THTPA: variants seen among roughly 807,000 people sequenced by gnomAD.
The protein encoded by THTPA is thiamine-triphosphatase.
Under a neutral mutation model 16.5 loss-of-function variants are expected in THTPA, and 16 were observed. That is an observed-to-expected ratio of 0.97 (90% confidence interval 0.66 to 1.47). The LOEUF (loss-of-function observed/expected upper bound fraction) is 1.47, where lower values mean the gene tolerates loss of function less well. Ranked by LOEUF, THTPA falls within the 40% of genes most tolerant of loss-of-function variation. The probability of loss-of-function intolerance (pLI) is 0.00; values close to 1 mark genes in which losing one functional copy is unlikely to be tolerated. For synonymous variants in THTPA, 110 were observed against 115.5 expected, an observed-to-expected ratio of 0.95 and a Z score of 0.30; for missense variants, 281 against 280.9, an observed-to-expected ratio of 1.00 and a Z score of 0.00.
At chr14:23,526,318 A>T in the THTPA span, 1 of 1,536,308 alleles carries the variant, frequency 6.5e-7, no homozygotes, top group Non-Finnish European at 8.7e-7. Context: ...AATTATAATG[A>T]ACCAACAGAA....
chr14:23,529,449 C>A, the THTPA span: 1 of 484,788 alleles, frequency 2.1e-6, no homozygotes, highest in Admixed American at 3.4e-5. Context: ...CTACTCTCAG[C>A]ACAATTCCTT....
the THTPA span, chr14:23,520,959 T>G: frequency 6.6e-6 from 1 of 151,982 alleles, no homozygotes; most frequent in Admixed American, 6.5e-5. The surrounding 1 kb of genome is among the most constrained non-coding windows in gnomAD (Gnocchi z 8.7). Context: ...TGTGCGCGTG[T>G]GCACGTACTC....
At chr14:23,535,160 G>T in the THTPA span, 6 of 1,535,670 alleles carry the variant, frequency 3.9e-6, no homozygotes, top group Non-Finnish European at 5.2e-6. The surrounding 1 kb of genome is among the most constrained non-coding windows in gnomAD (Gnocchi z 4.5). Context: ...TGTCCCCCTG[G>T]CTCTGAGGAC....
the THTPA span, chr14:23,527,737 G>C: frequency 6.5e-7 from 1 of 1,536,136 alleles, no homozygotes; most frequent in South Asian, 1.2e-5. Context: ...TGCATGCTGG[G>C]AGAGTGTATG....
At chr14:23,548,169 G>T in the THTPA span, among the ~76,000 whole-genome samples, 1 of 152,054 alleles carries the variant, frequency 6.6e-6, no homozygotes, top group Admixed American at 6.6e-5. Context: ...TTCACATTCT[G>T]TAACTGCCAT....
chr14:23,539,602 G>A, the THTPA span, among the ~76,000 whole-genome samples: 1 of 152,186 alleles, frequency 6.6e-6, no homozygotes. Flanking sequence ...TGAAGTCTGA[G>A]AAAGGAGAGA....
the THTPA span, among the ~76,000 whole-genome samples, chr14:23,549,975 CAG>C: frequency 6.6e-6 from 1 of 152,002 alleles, no homozygotes; most frequent in East Asian, 1.9e-4. Context: ...GGTGGAAACT[CAG>C]AGCTCATGGG....
the THTPA span, chr14:23,533,516 G>A: frequency 1.3e-6 from 2 of 1,536,126 alleles, no homozygotes; most frequent in South Asian, 1.2e-5. This position sits in a 1 kb window ranked among gnomAD's most constrained non-coding sequence, Gnocchi z 4.8. Flanking sequence ...CCCAGCGGCA[G>A]CCCCTGGTGC....
chr14:23,559,967 G>T lies in THTPA; in HGVS notation c.*1127G>T, dbSNP rs1177361688. The T allele has an allele frequency of 2.5e-6, 4 of 1,613,112 alleles. No individual in the cohort carries two copies. Among genetic ancestry groups the T allele is most frequent in the Non-Finnish European group, 3.4e-6 (4 of 1,179,490 alleles). ...TTAGGATTGAGGATTCTGAAGAGCT[G>T]GGTGATAGGAAGGCCACCCCGAGCT... On this transcript the variant is annotated 3_prime_UTR_variant, in exon 2 of 2. Transcript: ENST00000288014.
At chr14:23,530,354 C>A in the THTPA span, 1 of 706,202 alleles carries the variant, frequency 1.4e-6, no homozygotes, top group Non-Finnish European at 2.5e-6. Flanking sequence ...AAAGAAACAC[C>A]CACACAGAAG....
At chr14:23,541,022 A>G in the THTPA span, among the ~76,000 whole-genome samples, 1 of 151,754 alleles carries the variant, frequency 6.6e-6, no homozygotes, top group African/African-American at 2.4e-5. Flanking sequence ...TCTCCCTGCC[A>G]TAGCCTCCCG....
chr14:23,531,529 C>A, the THTPA span: 2 of 1,507,858 alleles, frequency 1.3e-6, no homozygotes, highest in Non-Finnish European at 1.8e-6. Flanking sequence ...CTCTGAAGAG[C>A]TGCGAGTCCT....
the THTPA span, chr14:23,525,856 C>T: frequency 1.4e-6 from 2 of 1,454,124 alleles, no homozygotes; most frequent in Non-Finnish European, 9.0e-7. The surrounding 1 kb of genome is among the most constrained non-coding windows in gnomAD (Gnocchi z 5.9). Context: ...GCAGGAGCAG[C>T]TGCTGCTGCT....
the THTPA span, among the ~76,000 whole-genome samples, chr14:23,544,706 C>T: frequency 6.6e-6 from 1 of 152,104 alleles, no homozygotes; most frequent in Non-Finnish European, 1.5e-5. Context: ...AGTGTGATCT[C>T]GTTACACTCT....
chr14:23,558,591 T>C, intron 1 of THTPA, 104 bp from the exon 2 acceptor site: 1 of 1,452,654 alleles, frequency 6.9e-7, no homozygotes, highest in Non-Finnish European at 9.4e-7. Flanking sequence ...AACCCCAGTG[T>C]GGCTTTGGAA....
At chr14:23,525,366 G>A in the THTPA span, 2 of 1,536,158 alleles carry the variant, frequency 1.3e-6, no homozygotes, top group Non-Finnish European at 8.7e-7. The surrounding 1 kb of genome is among the most constrained non-coding windows in gnomAD (Gnocchi z 5.9). Context: ...GGCGGGTATA[G>A]GCTGTCATAG....
At chr14:23,520,447 C>T in the THTPA span, among the ~76,000 whole-genome samples, 2,719 of 152,124 alleles carry the variant, frequency 0.018, 82 homozygotes, top group African/African-American at 0.062. The surrounding 1 kb of genome is among the most constrained non-coding windows in gnomAD (Gnocchi z 8.7). Flanking sequence ...AAGGAGAAGG[C>T]AGGAGATGAA....
chr14:23,546,824 G>A, the THTPA span, among the ~76,000 whole-genome samples: 5 of 152,160 alleles, frequency 3.3e-5, no homozygotes, highest in Non-Finnish European at 7.4e-5. The surrounding 1 kb of genome is among the most constrained non-coding windows in gnomAD (Gnocchi z 4.7). Flanking sequence ...GCCCAACTCC[G>A]TGGCGGTGGC....
chr14:23,557,067 G>A lies in THTPA; in HGVS notation c.310G>A (p.Gly104Arg). Residue 104 changes from glycine (G) to arginine (R), a missense_variant, in exon 1 of 2, where the codon GGA becomes AGA. Coordinates refer to ENST00000288014, the MANE Select transcript of THTPA (RefSeq NM_024328.6). ...GCTGCGGGCTGACGGCCTGGGGGCT[G>A]GAGATGTGGCTGCTGTGCTGGGCCC... ...KVLRADGLGA[G>R]DVAAVLGPLG... 1 of 1,614,242 alleles carries A rather than the reference G, an allele frequency of 6.2e-7. No homozygotes were observed. The highest frequency in any genetic ancestry group is 8.5e-7 in the Non-Finnish European group (1 of 1,180,038).
Sources: gnomAD v4.1 joint callset for allele counts (sites outside exome capture counted in the v4.1 genomes callset) on GRCh38, gnomAD v4.1.1 for gene constraint, Gnocchi (gnomAD v3.1) non-coding constraint, MANE v1.5 for transcripts, NCBI Gene and HGNC (gene_info 2026-07-23, HGNC 2026-07-21) for gene names.